The following LPP variants were observed in gnomAD, a reference collection of about 807,000 sequenced individuals.
The protein encoded by LPP is lipoma-preferred partner.
Under a neutral mutation model 60.4 loss-of-function variants are expected in LPP, and 38 were observed. The ratio of observed to expected loss-of-function variants is 0.63; its 90% CI spans 0.49 to 0.83. The LOEUF is 0.83. Ranked by LOEUF, LPP falls within the 40% of genes least tolerant of loss-of-function variation. The pLI is 0.00. For synonymous variants in LPP, 328 were observed against 290.8 expected (o/e 1.13, Z -1.30); for missense variants, 902 against 783.6 (o/e 1.15, Z -1.80).
chr3:188,447,855 A>G (rs1488299219), intron 4 of LPP, among the ~76,000 whole-genome samples: 1 of 151,914 alleles, frequency 6.6e-6, no homozygotes, highest in Non-Finnish European at 1.5e-5. Flanking sequence ...ATGCCTCCTC[A>G]TTTACCATCA....
intron 7 of LPP, among the ~76,000 whole-genome samples, chr3:188,678,672 GCTGTGA>G (rs1465933451): frequency 1.3e-5 from 2 of 152,130 alleles, no homozygotes; most frequent in Non-Finnish European, 2.9e-5. Flanking sequence ...CATGTATTCA[GCTGTGA>G]ACATTTTTTG....
intron 2 of LPP, among the ~76,000 whole-genome samples, chr3:188,297,409 C>T (rs899580028): frequency 5.9e-5 from 9 of 152,224 alleles, no homozygotes; most frequent in African/African-American, 2.2e-4. Context: ...CGTAATACTA[C>T]AATAGATGGG....
At chr3:188,387,948 G>A (rs1778760062) in intron 3 of LPP, among the ~76,000 whole-genome samples, 3 of 151,832 alleles carry the variant, frequency 2.0e-5, no homozygotes, top group African/African-American at 2.4e-5. Context: ...AGCTTTAGTA[G>A]GAATGTGTGA....
In LPP at chr3:188,880,743, T is replaced by G. The variant is rs774064579; in HGVS notation, c.*6264T>G. 1 of 184,364 alleles carries G rather than the reference T, an allele frequency of 5.4e-6. No individual in the cohort carries two copies. The highest frequency in any genetic ancestry group is 1.2e-5 in the Non-Finnish European group (1 of 86,786). The allele number at this position is 184,364 out of a possible 1,614,324, so 11.4% of individuals were successfully genotyped here. ...TCAACTTGGCACTGAATGTAGCTTC[T>G]AAAATCAGTTCTCTACCCTACGAAT... On this transcript the variant is annotated 3_prime_UTR_variant, in exon 12 of 12. Transcript: ENST00000617246.
intron 6 of LPP, among the ~76,000 whole-genome samples, chr3:188,602,888 C>T (rs1037572016): frequency 6.6e-6 from 1 of 151,798 alleles, no homozygotes; most frequent in Non-Finnish European, 1.5e-5. Context: ...TTCCAGTGCA[C>T]AACTCTTCAA....
chr3:188,848,379 A>G lies in LPP; in HGVS notation c.1411-17821A>G, dbSNP rs116821461. Among the ~76,000 whole-genome samples, 622 of 152,358 alleles carry G rather than the reference A, an allele frequency of 4.1e-3. 1 individual carries two copies. The highest frequency in any genetic ancestry group is 0.014 in the African/African-American group (595 of 41,588). ...CATGGAATGGGTCCCTCTCTGATGC[A>G]GATCCCACTGATACTGATGTCGCAC... On this transcript the variant is annotated intron_variant, in intron 9 of 11. Coordinates refer to ENST00000617246, the MANE Select transcript of LPP (RefSeq NM_001375462.1).
In LPP at chr3:188,683,424, G is replaced by A. The variant is rs182798370; in HGVS notation, c.1114-24843G>A. On this transcript the variant is annotated intron_variant, in intron 7 of 11. Coordinates refer to ENST00000617246, the MANE Select transcript of LPP (RefSeq NM_001375462.1). Reference sequence around the variant, plus strand: ...AGTACTGATTTCACCTCCTGTACATGGTTTGCTGAGATGGCCTATTGGGGT... The same window carrying A: ...AGTACTGATTTCACCTCCTGTACATAGTTTGCTGAGATGGCCTATTGGGGT... Among the ~76,000 whole-genome samples, 424 of 152,182 alleles carry A rather than the reference G, an allele frequency of 2.8e-3. 3 individuals carry two copies. The highest frequency in any genetic ancestry group is 0.01 in the African/African-American group (417 of 41,550).
At chr3:188,577,761 G>GTTCC (rs1396196937) in intron 6 of LPP, among the ~76,000 whole-genome samples, 1 of 113,300 alleles carries the variant, frequency 8.8e-6, no homozygotes, top group African/African-American at 3.1e-5. Context: ...TCGTTCCTTC[G>GTTCC]TTCCTTCCTT....
chr3:188,373,095 C>T (rs529147636), intron 3 of LPP, among the ~76,000 whole-genome samples: 3 of 152,154 alleles, frequency 2.0e-5, no homozygotes, highest in South Asian at 4.1e-4. Context: ...TTTTCTTAAT[C>T]CAGTCTATTG....
intron 7 of LPP, among the ~76,000 whole-genome samples, chr3:188,620,311 T>G (rs1014093637): frequency 1.3e-5 from 2 of 152,122 alleles, no homozygotes; most frequent in African/African-American, 4.8e-5. Flanking sequence ...CCTCTACCAA[T>G]GAGCAGTGAC....
At chr3:188,477,688 G>A (rs555024013) in intron 4 of LPP, among the ~76,000 whole-genome samples, 1 of 152,188 alleles carries the variant, frequency 6.6e-6, no homozygotes, top group Non-Finnish European at 1.5e-5. Context: ...TTATAAATGG[G>A]TAAAATAATG....
chr3:188,282,529 G>C (rs1368796188), intron 2 of LPP, among the ~76,000 whole-genome samples: 1 of 152,136 alleles, frequency 6.6e-6, no homozygotes, highest in Non-Finnish European at 1.5e-5. Context: ...TGAGCTCAGA[G>C]CCTCTGTCTT....
intron 1 of LPP, among the ~76,000 whole-genome samples, chr3:188,208,737 T>C (rs1379112908): frequency 6.6e-6 from 1 of 152,238 alleles, no homozygotes; most frequent in East Asian, 1.9e-4. Context: ...TGTAGACATA[T>C]GTGACTTGGA....
chr3:188,485,811 AAAAT>A (rs1431246507), intron 5 of LPP, among the ~76,000 whole-genome samples: 2 of 146,952 alleles, frequency 1.4e-5, no homozygotes, highest in Non-Finnish European at 3.0e-5. Flanking sequence ...AAAAAAAAAA[AAAAT>A]GGAATGGTGT....
At chr3:188,584,959 T>C (rs1053443746) in intron 6 of LPP, among the ~76,000 whole-genome samples, 4 of 151,894 alleles carry the variant, frequency 2.6e-5, no homozygotes, top group Non-Finnish European at 4.4e-5. Flanking sequence ...TTCATGTAGT[T>C]GAAATGAAGC....
chr3:188,263,126 C>T (rs73059678), intron 2 of LPP, among the ~76,000 whole-genome samples: 4,556 of 152,216 alleles, frequency 0.03, 239 homozygotes, highest in African/African-American at 0.1. Flanking sequence ...ATGGAATCCT[C>T]GGCCCGGAAA....
intron 2 of LPP, among the ~76,000 whole-genome samples, chr3:188,228,395 G>T (rs1347458174): frequency 2.6e-5 from 4 of 152,114 alleles, no homozygotes; most frequent in Non-Finnish European, 5.9e-5. Flanking sequence ...TTTCCCAAAG[G>T]GTGTTCTATC....
chr3:188,376,971 G>A (rs1775307956), intron 3 of LPP, among the ~76,000 whole-genome samples: 1 of 152,102 alleles, frequency 6.6e-6, no homozygotes, highest in African/African-American at 2.4e-5. Flanking sequence ...ATGAAGCTTA[G>A]TTTGGCTGGA....
chr3:188,676,276 G>A (rs1170303748), intron 7 of LPP, among the ~76,000 whole-genome samples: 1 of 152,110 alleles, frequency 6.6e-6, no homozygotes, highest in Non-Finnish European at 1.5e-5. Flanking sequence ...ATTGTATTCA[G>A]GTGAAGCTAC....
Sources: gnomAD v4.1 joint callset for allele counts (sites outside exome capture counted in the v4.1 genomes callset) on GRCh38, gnomAD v4.1.1 for gene constraint, MANE v1.5 for transcripts, NCBI Gene and HGNC (gene_info 2026-07-23, HGNC 2026-07-21) for gene names.